GRID2: variants seen among roughly 807,000 people sequenced by gnomAD.
GRID2 encodes the protein glutamate receptor ionotropic, delta-2.
Under a neutral mutation model 114.8 loss-of-function variants are expected in GRID2, and 33 were observed. The observed-to-expected ratio is 0.29, with a 90% CI of 0.22 to 0.38. GRID2 has a LOEUF of 0.38. Ranked by LOEUF, GRID2 falls within the 10% of genes least tolerant of loss-of-function variation. GRID2 has a pLI of 1.00. For missense variants in GRID2, 1,184 were observed against 1,257.7 expected (o/e 0.94, Z 0.89); for synonymous variants, 505 against 449.9 (o/e 1.12, Z -1.55).
intron 2 of GRID2, among the ~76,000 whole-genome samples, chr4:92,641,677 A>G (rs1253072882): frequency 1.3e-5 from 2 of 151,652 alleles, no homozygotes; most frequent in African/African-American, 4.8e-5. Context: ...AAAAATGCCA[A>G]CTTTTATTTT....
intron 8 of GRID2, among the ~76,000 whole-genome samples, chr4:93,305,326 A>T (rs1257004448): frequency 1.3e-5 from 2 of 152,176 alleles, no homozygotes; most frequent in African/African-American, 4.8e-5. Flanking sequence ...AGCTTCAAAG[A>T]GAGTCAAATC....
chr4:92,477,644 T>G (rs932510923), intron 1 of GRID2, among the ~76,000 whole-genome samples: 8 of 151,208 alleles, frequency 5.3e-5, no homozygotes, highest in Non-Finnish European at 1.0e-4. Flanking sequence ...CTATATTTGG[T>G]TTTAATATAT....
At chr4:92,694,821 C>T (rs1734349592) in intron 2 of GRID2, among the ~76,000 whole-genome samples, 1 of 152,116 alleles carries the variant, frequency 6.6e-6, no homozygotes. Flanking sequence ...TTCAGTGATG[C>T]TGGAATTTCC....
chr4:92,501,014 A>G (rs375001477), intron 1 of GRID2, among the ~76,000 whole-genome samples: 2 of 151,938 alleles, frequency 1.3e-5, no homozygotes, highest in East Asian at 3.9e-4. Flanking sequence ...GTTACGTGCT[A>G]TTTTTCTGAA....
chr4:92,964,477 C>T (rs1753012193), intron 2 of GRID2, among the ~76,000 whole-genome samples: 3 of 151,980 alleles, frequency 2.0e-5, no homozygotes, highest in African/African-American at 7.2e-5. Flanking sequence ...TGCCACAAAC[C>T]ACCATGGCAC....
At chr4:92,590,686 T>C (rs1284269152) in intron 2 of GRID2, among the ~76,000 whole-genome samples, 3 of 152,110 alleles carry the variant, frequency 2.0e-5, no homozygotes, top group African/African-American at 7.2e-5. Context: ...TCATGACAAA[T>C]GTACTGCTGA....
At chr4:93,114,455 C>T (rs2149355480) in intron 4 of GRID2, among the ~76,000 whole-genome samples, 1 of 152,224 alleles carries the variant, frequency 6.6e-6, no homozygotes, top group South Asian at 2.1e-4. Flanking sequence ...TCTGTCTTTC[C>T]CCACTCATCC....
intron 2 of GRID2, among the ~76,000 whole-genome samples, chr4:92,821,213 T>C (rs879606123): frequency 2.6e-5 from 4 of 152,176 alleles, no homozygotes; most frequent in Non-Finnish European, 4.4e-5. Flanking sequence ...AAGTAATGAG[T>C]GCTTCTTGTA....
chr4:93,444,006 A>G (rs1332057247), intron 10 of GRID2, among the ~76,000 whole-genome samples: 1 of 151,946 alleles, frequency 6.6e-6, no homozygotes, highest in Admixed American at 6.6e-5. Context: ...AAGATAAAAT[A>G]CCTATATCAA....
chr4:92,917,866 G>GT (rs1219716487), intron 2 of GRID2, among the ~76,000 whole-genome samples: 12 of 152,114 alleles, frequency 7.9e-5, no homozygotes, highest in Non-Finnish European at 1.5e-4. Context: ...CTTTAAAGTA[G>GT]TTTTTTTCCA....
chr4:93,335,083 C>A (rs1758906110), intron 8 of GRID2, among the ~76,000 whole-genome samples: 1 of 150,990 alleles, frequency 6.6e-6, no homozygotes, highest in African/African-American at 2.5e-5. Context: ...TGTCAATACT[C>A]ACATTTGCAA....
intron 2 of GRID2, among the ~76,000 whole-genome samples, chr4:92,691,327 C>T (rs536922455): frequency 6.6e-6 from 1 of 151,872 alleles, no homozygotes; most frequent in East Asian, 1.9e-4. Flanking sequence ...TGAAGAGACT[C>T]CAGAGGAAAC....
intron 8 of GRID2, among the ~76,000 whole-genome samples, chr4:93,245,054 G>C (rs1748047238): frequency 6.6e-6 from 1 of 151,814 alleles, no homozygotes; most frequent in African/African-American, 2.4e-5. Flanking sequence ...ATTGTGAATT[G>C]ACAATATAAT....
chr4:92,774,577 CTTTTTTTTTTTTT>C (rs1166044188), intron 2 of GRID2, among the ~76,000 whole-genome samples: 10 of 106,380 alleles, frequency 9.4e-5, no homozygotes, highest in Non-Finnish European at 1.3e-4. Context: ...TTTTTCTTTC[CTTTTTTTTTTTTT>C]TTTTTTTTTT....
At chr4:93,396,483 G>A (rs1471138783) in intron 9 of GRID2, among the ~76,000 whole-genome samples, 3 of 151,888 alleles carry the variant, frequency 2.0e-5, no homozygotes, top group Non-Finnish European at 2.9e-5. Flanking sequence ...TCACATCCAG[G>A]GCATGTCAGT....
intron 12 of GRID2, among the ~76,000 whole-genome samples, chr4:93,514,447 A>ACACACACACG (rs1382360266): frequency 6.6e-6 from 1 of 151,756 alleles, no homozygotes; most frequent in African/African-American, 2.4e-5. Context: ...ACACACACAC[A>ACACACACACG]CACACACACA....
intron 4 of GRID2, among the ~76,000 whole-genome samples, chr4:93,190,688 C>G (rs1398537265): frequency 6.6e-6 from 1 of 152,134 alleles, no homozygotes; most frequent in East Asian, 1.9e-4. Context: ...AGAGAAAATA[C>G]ACAATTTAGC....
At chr4:93,422,242 G>A (rs985262312) in intron 9 of GRID2, among the ~76,000 whole-genome samples, 14 of 152,144 alleles carry the variant, frequency 9.2e-5, no homozygotes, top group African/African-American at 3.4e-4. Context: ...CCAATGAAAT[G>A]TGTGTTTATA....
intron 1 of GRID2, among the ~76,000 whole-genome samples, chr4:92,453,837 A>G (rs1407160272): frequency 2.6e-5 from 4 of 152,176 alleles, no homozygotes; most frequent in African/African-American, 9.6e-5. Flanking sequence ...ATAATGTATA[A>G]CTTAATAAAG....
Sources: gnomAD v4.1 joint callset for allele counts (sites outside exome capture counted in the v4.1 genomes callset) on GRCh38, gnomAD v4.1.1 for gene constraint, MANE v1.5 for transcripts, NCBI Gene and HGNC (gene_info 2026-07-23, HGNC 2026-07-21) for gene names.